The following DNAH7 variants were observed in gnomAD, a reference collection of about 807,000 sequenced individuals.
DNAH7 encodes axonemal beta dynein heavy chain 7.
DNAH7 carries 397 observed loss-of-function variants against 444.6 expected under a neutral mutation model. The ratio of observed to expected loss-of-function variants is 0.89; its 90% CI spans 0.82 to 0.97. The LOEUF (loss-of-function observed/expected upper bound fraction) is 0.97, where lower values mean the gene tolerates loss of function less well. Ranked by LOEUF, DNAH7 falls within the 50% of genes least tolerant of loss-of-function variation. DNAH7 has a pLI of 0.00. For missense variants in DNAH7, 4,902 were observed against 4,800.8 expected (o/e 1.02, Z -0.62); for synonymous variants, 1,636 against 1,624.4 (o/e 1.01, Z -0.17).
At chr2:195,828,610 ATTT>A (rs35765183) in intron 48 of DNAH7, among the ~76,000 whole-genome samples, 249 of 135,098 alleles carry the variant, frequency 1.8e-3, no homozygotes, top group East Asian at 7.8e-3. Flanking sequence ...ATATATATAT[ATTT>A]TTTTTTTTTT....
intron 28 of DNAH7, among the ~76,000 whole-genome samples, chr2:195,900,055 C>T (rs190393940): frequency 2.6e-5 from 4 of 152,144 alleles, no homozygotes; most frequent in Non-Finnish European, 4.4e-5. Flanking sequence ...CTTGGTAGTA[C>T]CCCGTTAATG....
rs553174403 is a variant in DNAH7, at chr2:195,976,404, A to G, written c.1834-3938T>C. On this transcript the variant is annotated intron_variant, in intron 15 of 64. Coordinates refer to ENST00000312428, the MANE Select transcript of DNAH7 (RefSeq NM_018897.3). ...TGTGGTCTGATGCCAGTTCAGCTGC[A>G]ATAGAGTAGAGTACCACATAGATTC... Among the ~76,000 whole-genome samples, 9 of 152,284 alleles carry G rather than the reference A, an allele frequency of 5.9e-5. No individual in the cohort carries two copies. In the South Asian group the frequency reaches 1.9e-3, roughly 32 times the overall value.
At chr2:195,783,671 T>A (rs1192649078) in intron 58 of DNAH7, among the ~76,000 whole-genome samples, 3 of 152,346 alleles carry the variant, frequency 2.0e-5, no homozygotes, top group East Asian at 3.9e-4. Context: ...TGAATTACCA[T>A]GGATTAAGAC....
Position 195,934,697 on chromosome 2 carries a change from C to T in DNAH7, c.3365G>A (p.Gly1122Glu). The T allele has an allele frequency of 6.2e-7, 1 of 1,614,128 alleles. No individual in the cohort carries two copies. The highest frequency in any genetic ancestry group is 1.1e-5 in the South Asian group (1 of 91,072). Residue 1122 changes from glycine to glutamate, a missense_variant, in exon 21 of 65, where the codon GGA becomes GAA. Transcript: ENST00000312428. ...AATCTCTATGAGTTCTACAACCTCT[C>T]CTTCGCTGCTCTTCATGTGAGTAAT... ...LDITHMKSSE[G>E]EVVELIEIIS...
chr2:195,967,141 AG>A (rs1442730212), intron 17 of DNAH7, among the ~76,000 whole-genome samples: 1 of 151,976 alleles, frequency 6.6e-6, no homozygotes, highest in Non-Finnish European at 1.5e-5. Flanking sequence ...TTTTTATGTT[AG>A]ATTACCATGA....
intron 19 of DNAH7, among the ~76,000 whole-genome samples, chr2:195,944,833 C>T (rs74771773): frequency 0.011 from 1,708 of 152,072 alleles, 14 homozygotes; most frequent in Non-Finnish European, 0.018. Context: ...GCAAATTATA[C>T]CATGTCTTTT....
At chr2:196,046,048 T>C (rs1697101874) in intron 5 of DNAH7, among the ~76,000 whole-genome samples, 1 of 152,040 alleles carries the variant, frequency 6.6e-6, no homozygotes, top group Non-Finnish European at 1.5e-5. Flanking sequence ...TAGACTTCTG[T>C]TTCTTACAAC....
chr2:195,746,786 C>A (rs904410110), intron 63 of DNAH7, among the ~76,000 whole-genome samples: 4 of 152,156 alleles, frequency 2.6e-5, no homozygotes, highest in Non-Finnish European at 4.4e-5. Context: ...TAAAGATGTT[C>A]TTTGAAACCA....
intron 19 of DNAH7, among the ~76,000 whole-genome samples, chr2:195,941,016 T>C (rs1462285102): frequency 6.6e-6 from 1 of 152,042 alleles, no homozygotes; most frequent in East Asian, 1.9e-4. Flanking sequence ...GCAATCCCAT[T>C]ACTAGGTATA....
chr2:195,992,591 G>A (rs780242294), intron 12 of DNAH7, among the ~76,000 whole-genome samples: 25 of 152,168 alleles, frequency 1.6e-4, no homozygotes, highest in Admixed American at 1.6e-3. Context: ...CTGTGTGCCT[G>A]CCACTGGGTC....
chr2:196,047,249 T>C (rs1697190676), intron 5 of DNAH7, 103 bp downstream of exon 5: 2 of 1,059,080 alleles, frequency 1.9e-6, no homozygotes, highest in African/African-American at 1.6e-5. Context: ...CAACAAGCCT[T>C]TGAGGCACCC....
chr2:195,999,828 A>G (rs1693926396), intron 12 of DNAH7, among the ~76,000 whole-genome samples: 1 of 152,226 alleles, frequency 6.6e-6, no homozygotes, highest in South Asian at 2.1e-4. Context: ...CCAATTACTT[A>G]TAAGATGCTT....
intron 62 of DNAH7, among the ~76,000 whole-genome samples, chr2:195,755,396 G>A (rs1694022961): frequency 6.6e-6 from 1 of 152,124 alleles, no homozygotes; most frequent in Non-Finnish European, 1.5e-5. Flanking sequence ...TGAGTCAGTT[G>A]AATACCAACT....
intron 1 of DNAH7, among the ~76,000 whole-genome samples, chr2:196,065,053 C>A (rs950082675): frequency 3.9e-5 from 6 of 151,990 alleles, no homozygotes; most frequent in African/African-American, 1.5e-4. Flanking sequence ...ATTATATTGC[C>A]TAATTTACTA....
intron 61 of DNAH7, among the ~76,000 whole-genome samples, chr2:195,756,864 C>T (rs1963515): frequency 0.49 from 74,385 of 151,522 alleles, 19,019 homozygotes; most frequent in Non-Finnish European, 0.58. Flanking sequence ...TGGTGGTGCA[C>T]GCCTGTAGTC....
At chr2:196,000,667 T>G (rs767979419) in intron 12 of DNAH7, 37 bp downstream of exon 12, 1 of 1,426,300 alleles carries the variant, frequency 7.0e-7, no homozygotes, top group Non-Finnish European at 9.3e-7. Context: ...AATGTCATTA[T>G]GCAAATTCAA....
At chr2:195,817,553 G>A (rs1697283360) in intron 50 of DNAH7, 143 bp downstream of exon 50, 1 of 869,558 alleles carries the variant, frequency 1.2e-6, no homozygotes, top group Non-Finnish European at 1.6e-6. Context: ...TGACATAGAG[G>A]TATAATTCCT....
At chr2:195,888,486 T>C (rs1701833706) in intron 32 of DNAH7, 52 bp from the exon 33 acceptor site, 9 of 1,512,488 alleles carry the variant, frequency 6.0e-6, no homozygotes, top group African/African-American at 1.4e-5. Flanking sequence ...ATAAAATAAA[T>C]ATGATTTGGC....
chr2:195,830,205 C>A (rs1452178743), intron 48 of DNAH7, among the ~76,000 whole-genome samples: 1 of 152,118 alleles, frequency 6.6e-6, no homozygotes, highest in Non-Finnish European at 1.5e-5. Flanking sequence ...CACCAGACAT[C>A]ACAGTATTTG....
Sources: allele counts gnomAD v4.1 joint callset (sites outside exome capture counted in the v4.1 genomes callset), GRCh38; gene constraint gnomAD v4.1.1; transcripts MANE v1.5; gene names NCBI Gene and HGNC (gene_info 2026-07-23, HGNC 2026-07-21).